The following PLXNA4 variants were observed in gnomAD, a reference collection of about 807,000 sequenced individuals.
The protein encoded by PLXNA4 is plexin A4.
PLXNA4 carries 44 observed loss-of-function variants against 191.8 expected under a neutral mutation model. That is an observed-to-expected ratio of 0.23 (90% CI 0.18 to 0.29). The LOEUF (loss-of-function observed/expected upper bound fraction) is 0.29. Ranked by LOEUF, PLXNA4 falls within the 10% of genes least tolerant of loss-of-function variation. The pLI, the probability that PLXNA4 is intolerant of heterozygous loss-of-function variation, is 1.00. For missense variants in PLXNA4, 1,800 were observed against 2,488.8 expected (o/e 0.72, Z 5.89); for synonymous variants, 1,082 against 1,009.5 (o/e 1.07, Z -1.36).
intron 1 of PLXNA4, among the ~76,000 whole-genome samples, chr7:132,518,341 T>C (rs937942980): frequency 2.6e-5 from 4 of 152,198 alleles, no homozygotes; most frequent in African/African-American, 9.6e-5. Flanking sequence ...AGAAGGTCAC[T>C]GCTGGCTTTG....
At chr7:132,474,592 A>G (rs899357089) in intron 3 of PLXNA4, among the ~76,000 whole-genome samples, 1 of 151,738 alleles carries the variant, frequency 6.6e-6, no homozygotes, top group African/African-American at 2.4e-5. Flanking sequence ...GGGTCTCCGA[A>G]GTTCTCCCAA....
intron 2 of PLXNA4, among the ~76,000 whole-genome samples, chr7:132,499,514 A>G (rs1267564006): frequency 6.6e-6 from 1 of 152,154 alleles, no homozygotes; most frequent in African/African-American, 2.4e-5. Flanking sequence ...GGGGCAGATA[A>G]ATCCCATGCC....
At chr7:132,422,478 C>T (rs561509494) in intron 3 of PLXNA4, among the ~76,000 whole-genome samples, 1 of 152,330 alleles carries the variant, frequency 6.6e-6, no homozygotes, top group Non-Finnish European at 1.5e-5. Context: ...GTACGGCTGC[C>T]GACTTCCAAA....
At chr7:132,378,382 C>G (rs1804749918) in intron 3 of PLXNA4, among the ~76,000 whole-genome samples, 1 of 152,168 alleles carries the variant, frequency 6.6e-6, no homozygotes, top group Non-Finnish European at 1.5e-5. Flanking sequence ...ATGGTATGTC[C>G]TGGGTGATTA....
chr7:132,323,773 G>A (rs1802264689), intron 3 of PLXNA4, among the ~76,000 whole-genome samples: 3 of 152,262 alleles, frequency 2.0e-5, no homozygotes, highest in African/African-American at 7.2e-5. Flanking sequence ...TCTGTCATGT[G>A]GAGGAGACTT....
intron 3 of PLXNA4, among the ~76,000 whole-genome samples, chr7:132,467,306 C>T (rs1390885885): frequency 6.6e-6 from 1 of 152,130 alleles, no homozygotes; most frequent in Non-Finnish European, 1.5e-5. Flanking sequence ...GAGCTGAGTC[C>T]GTCACAGTCC....
chr7:132,418,554 C>G (rs1293013742), intron 3 of PLXNA4, among the ~76,000 whole-genome samples: 1 of 152,182 alleles, frequency 6.6e-6, no homozygotes, highest in Non-Finnish European at 1.5e-5. Context: ...GAACATGAAG[C>G]TTGGCTAAGA....
In PLXNA4 at chr7:132,455,100, C is replaced by T. The variant is rs867915388; in HGVS notation, c.1371+34192G>A. On this transcript the variant is annotated intron_variant, in intron 3 of 31. Transcript: ENST00000321063. ...GAGACGTCTGGGAAACAGGCAGCCCCGGCTGTCAGCCTGCAGCCTCGCCTG... is the reference window on the plus strand; with the variant it reads ...GAGACGTCTGGGAAACAGGCAGCCCTGGCTGTCAGCCTGCAGCCTCGCCTG... Among the ~76,000 whole-genome samples, 32 of 152,286 alleles carry T rather than the reference C, an allele frequency of 2.1e-4. 1 individual carries two copies. The highest frequency in any genetic ancestry group is 9.7e-4 in the East Asian group (5 of 5,164).
intron 3 of PLXNA4, among the ~76,000 whole-genome samples, chr7:132,314,950 T>A (rs925599344): frequency 6.6e-6 from 1 of 152,230 alleles, no homozygotes; most frequent in Non-Finnish European, 1.5e-5. Flanking sequence ...TCCAATGGAC[T>A]GCAAGCATTT....
chr7:132,273,428 A>T (rs1470774246), intron 4 of PLXNA4, among the ~76,000 whole-genome samples: 1 of 152,126 alleles, frequency 6.6e-6, no homozygotes, highest in African/African-American at 2.4e-5. Flanking sequence ...AACCTTGAGA[A>T]TTGCACCCAG....
intron 3 of PLXNA4, among the ~76,000 whole-genome samples, chr7:132,309,452 C>T (rs375385183): frequency 3.2e-4 from 49 of 152,248 alleles, no homozygotes; most frequent in South Asian, 6.2e-4. Flanking sequence ...CTCATCCACA[C>T]GCCTCTATTG....
chr7:132,645,449 A>T (rs1394774463), intron 2 of PLXNA4, among the ~76,000 whole-genome samples: 1 of 152,140 alleles, frequency 6.6e-6, no homozygotes, highest in African/African-American at 2.4e-5. Flanking sequence ...CCATGATTGT[A>T]AGTTTCCTGA....
chr7:132,369,768 G>A (rs1450310969), intron 3 of PLXNA4, among the ~76,000 whole-genome samples: 3 of 151,966 alleles, frequency 2.0e-5, no homozygotes, highest in Admixed American at 1.3e-4. Context: ...CGAGAAGTAG[G>A]TATAAAAAGA....
At chr7:132,327,804 T>C (rs1020569292) in intron 3 of PLXNA4, among the ~76,000 whole-genome samples, 1 of 152,158 alleles carries the variant, frequency 6.6e-6, no homozygotes, top group Non-Finnish European at 1.5e-5. Flanking sequence ...GCCCTGTGTA[T>C]GAAGAAGGGA....
intron 3 of PLXNA4, among the ~76,000 whole-genome samples, chr7:132,408,657 G>T (rs575827495): frequency 6.6e-6 from 1 of 151,974 alleles, no homozygotes; most frequent in Admixed American, 6.6e-5. Context: ...GTAGAGATGG[G>T]GTTTCGCCAT....
chr7:132,480,356 G>A (rs1056251476), intron 3 of PLXNA4, among the ~76,000 whole-genome samples: 2 of 152,178 alleles, frequency 1.3e-5, no homozygotes, highest in South Asian at 2.1e-4. Flanking sequence ...GTGACTGGGA[G>A]TCACAAGGAG....
chr7:132,180,466 G>T, intron 19 of PLXNA4, 120 bp downstream of exon 19: 1 of 1,451,074 alleles, frequency 6.9e-7, no homozygotes, highest in Non-Finnish European at 9.3e-7. Context: ...GGGGTGTGGG[G>T]TAGCTACAGG....
intron 3 of PLXNA4, among the ~76,000 whole-genome samples, chr7:132,361,886 CAAAGA>C (rs1803957188): frequency 6.6e-6 from 1 of 152,100 alleles, no homozygotes; most frequent in Non-Finnish European, 1.5e-5. Context: ...TTTGATCTTT[CAAAGA>C]AAAGAACATT....
At chr7:132,531,189 G>A (rs886139748) in intron 1 of PLXNA4, among the ~76,000 whole-genome samples, 6 of 152,148 alleles carry the variant, frequency 3.9e-5, no homozygotes, top group Non-Finnish European at 8.8e-5. Flanking sequence ...TAATGCCACT[G>A]AATTTTACGC....
Sources: gnomAD v4.1 joint callset for allele counts (sites outside exome capture counted in the v4.1 genomes callset) on GRCh38, gnomAD v4.1.1 for gene constraint, MANE v1.5 for transcripts, NCBI Gene and HGNC (gene_info 2026-07-23, HGNC 2026-07-21) for gene names.